Variants in CAMKMT observed in about 807,000 individuals in gnomAD.
The protein encoded by CAMKMT is CaM KMT.
In CAMKMT, 53 loss-of-function variants were observed where a neutral mutation model predicts 48.0. The ratio of observed to expected loss-of-function variants is 1.10; its 90% CI spans 0.89 to 1.39. The LOEUF (loss-of-function observed/expected upper bound fraction) is 1.39, where lower values mean the gene tolerates loss of function less well. CAMKMT is among the 40% of genes most tolerant of loss of function. The pLI is 0.00. For synonymous variants in CAMKMT, 165 were observed against 152.3 expected (o/e 1.08, Z -0.61); for missense variants, 428 against 402.7 (o/e 1.06, Z -0.54).
At chr2:44,740,428 C>G (rs1380817299) in intron 7 of CAMKMT, among the ~76,000 whole-genome samples, 1 of 152,142 alleles carries the variant, frequency 6.6e-6, no homozygotes, top group African/African-American at 2.4e-5. Context: ...CCGTGCCCGG[C>G]TGGATTGCTG....
At chr2:44,762,683 A>G (rs1405170614) in intron 9 of CAMKMT, among the ~76,000 whole-genome samples, 2 of 152,222 alleles carry the variant, frequency 1.3e-5, no homozygotes, top group Non-Finnish European at 2.9e-5. Context: ...ATAAATCTGA[A>G]GCATACCAAT....
At chr2:44,526,056 G>C (rs1229374927) in intron 3 of CAMKMT, among the ~76,000 whole-genome samples, 2 of 151,996 alleles carry the variant, frequency 1.3e-5, no homozygotes, top group Non-Finnish European at 2.9e-5. Flanking sequence ...ATACTAGGCA[G>C]CCATAAAAAA....
At chr2:44,660,546 A>G (rs547931432) in intron 3 of CAMKMT, among the ~76,000 whole-genome samples, 1 of 152,366 alleles carries the variant, frequency 6.6e-6, no homozygotes, top group African/African-American at 2.4e-5. Flanking sequence ...AAGTCTACAG[A>G]AACATTAAGG....
intron 3 of CAMKMT, 39 bp from the exon 4 acceptor site, chr2:44,704,244 C>G (rs1219378229): frequency 6.4e-7 from 1 of 1,550,998 alleles, no homozygotes; most frequent in South Asian, 1.2e-5. Context: ...AAAAGAATGA[C>G]TTCTATAATC....
chr2:44,589,883 T>TAAAAAAAAAAAAGAAAA (rs1298633595), intron 3 of CAMKMT, among the ~76,000 whole-genome samples: 8 of 23,140 alleles, frequency 3.5e-4, no homozygotes, highest in South Asian at 1.7e-3. Flanking sequence ...GAATGATCAA[T>TAAAAAAAAAAAAGAAAA]AAAAAAAAAA....
chr2:44,394,769 C>T (rs974902615), intron 3 of CAMKMT: 13 of 441,764 alleles, frequency 2.9e-5, no homozygotes, highest in Admixed American at 2.2e-4. Context: ...ACTTTGCTTC[C>T]TAGTGGTCTG....
intron 8 of CAMKMT, among the ~76,000 whole-genome samples, chr2:44,750,560 A>T (rs1214242400): frequency 2.4e-4 from 37 of 152,216 alleles, no homozygotes; most frequent in Non-Finnish European, 1.5e-5. Context: ...CCTAGAACTG[A>T]TGGCTCTAAA....
At chr2:44,494,773 A>G (rs751914738) in intron 3 of CAMKMT, among the ~76,000 whole-genome samples, 1 of 152,220 alleles carries the variant, frequency 6.6e-6, no homozygotes, top group Non-Finnish European at 1.5e-5. Flanking sequence ...AATTATTATT[A>G]GTAAATTAGA....
chr2:44,421,434 A>G (rs966458601), intron 3 of CAMKMT, among the ~76,000 whole-genome samples: 2 of 152,192 alleles, frequency 1.3e-5, no homozygotes, highest in Non-Finnish European at 1.5e-5. Context: ...AAATGTATAA[A>G]TACAATTATC....
intron 3 of CAMKMT, among the ~76,000 whole-genome samples, chr2:44,435,024 G>T (rs1038638395): frequency 6.6e-6 from 1 of 152,022 alleles, no homozygotes; most frequent in Non-Finnish European, 1.5e-5. Flanking sequence ...TATGAGCATC[G>T]TTAGGTTCTT....
intron 3 of CAMKMT, among the ~76,000 whole-genome samples, chr2:44,598,005 G>A (rs1670768299): frequency 6.6e-6 from 1 of 151,200 alleles, no homozygotes; most frequent in Non-Finnish European, 1.5e-5. Context: ...AAATTGCTGG[G>A]ATTACAGGTG....
chr2:44,520,450 T>C (rs73928031), intron 3 of CAMKMT, among the ~76,000 whole-genome samples: 2,687 of 152,228 alleles, frequency 0.018, 82 homozygotes, highest in African/African-American at 0.061. Context: ...GCAATACTTC[T>C]ACTCATCAAC....
chr2:44,588,306 G>T (rs1378611466), intron 3 of CAMKMT, among the ~76,000 whole-genome samples: 69 of 72,966 alleles, frequency 9.5e-4, no homozygotes, highest in Middle Eastern at 0.017. Context: ...GGGAGGGAGG[G>T]GGGGGGTCAG....
At chr2:44,727,276 G>A (rs979340022) in intron 7 of CAMKMT, among the ~76,000 whole-genome samples, 2 of 152,092 alleles carry the variant, frequency 1.3e-5, no homozygotes, top group Admixed American at 1.3e-4. Flanking sequence ...CCATTTATTT[G>A]TGTTGTCTTT....
intron 3 of CAMKMT, among the ~76,000 whole-genome samples, chr2:44,689,326 T>A (rs1006742959): frequency 2.8e-5 from 4 of 144,756 alleles, no homozygotes; most frequent in African/African-American, 1.0e-4. Context: ...ACAGGGAGAG[T>A]CTCGCTCTGT....
intron 3 of CAMKMT, among the ~76,000 whole-genome samples, chr2:44,629,160 T>C (rs1184083607): frequency 6.6e-6 from 1 of 152,222 alleles, no homozygotes; most frequent in East Asian, 1.9e-4. Flanking sequence ...TATTTCTGTT[T>C]ATTTCTATCA....
At chr2:44,666,154 T>G (rs17032500) in intron 3 of CAMKMT, among the ~76,000 whole-genome samples, 23,864 of 152,148 alleles carry the variant, frequency 0.16, 2,155 homozygotes, top group Admixed American at 0.23. Flanking sequence ...AGATTTACAT[T>G]TATAACTTAA....
chr2:44,365,403 G>C (rs188737142), intron 1 of CAMKMT, among the ~76,000 whole-genome samples: 118 of 152,298 alleles, frequency 7.7e-4, no homozygotes, highest in African/African-American at 2.7e-3. Context: ...GCCAAGATTT[G>C]AGTCAAGCGA....
At chr2:44,616,314 G>A (rs1353095666) in intron 3 of CAMKMT, among the ~76,000 whole-genome samples, 3 of 152,154 alleles carry the variant, frequency 2.0e-5, no homozygotes, top group Non-Finnish European at 4.4e-5. Flanking sequence ...TCCTAAGATA[G>A]TTAGTCACGT....
Sources: allele counts gnomAD v4.1 joint callset (sites outside exome capture counted in the v4.1 genomes callset), GRCh38; gene constraint gnomAD v4.1.1; transcripts MANE v1.5; gene names NCBI Gene and HGNC (gene_info 2026-07-23, HGNC 2026-07-21).